CIMAP1D: variants seen among roughly 807,000 people sequenced by gnomAD.
CIMAP1D encodes the protein protein CIMAP1D.
the CIMAP1D span, among the ~76,000 whole-genome samples, chr19:468,370 GA>G: frequency 1.4e-3 from 213 of 148,626 alleles, no homozygotes; most frequent in African/African-American, 1.2e-3. Context: ...AGTCTCAAAA[GA>G]AAAAAAAAAC....
the CIMAP1D span, chr19:489,338 C>CTGACCCGCCGAA: frequency 2.0e-5 from 3 of 149,404 alleles, no homozygotes; most frequent in East Asian, 5.9e-4. Context: ...GACCCGCCGT[C>CTGACCCGCCGAA]GCAGCCCGCG....
At chr19:473,315 A>C in the CIMAP1D span, among the ~76,000 whole-genome samples, 1 of 20,752 alleles carries the variant, frequency 4.8e-5, no homozygotes, top group African/African-American at 6.0e-4. Flanking sequence ...GCAGAGATAC[A>C]TGGTCACAGA....
chr19:464,422 C>A, the CIMAP1D span: 1 of 1,083,858 alleles, frequency 9.2e-7, no homozygotes, highest in Non-Finnish European at 1.4e-6. Flanking sequence ...AGAGACCCGG[C>A]CTGGCTCCCC....
At chr19:485,089 G>C in the CIMAP1D span, among the ~76,000 whole-genome samples, 17 of 152,200 alleles carry the variant, frequency 1.1e-4, no homozygotes, top group African/African-American at 4.1e-4. Context: ...GAAGGGGAGT[G>C]AGAGGAGGGG....
At chr19:485,036 C>A in the CIMAP1D span, among the ~76,000 whole-genome samples, 3 of 151,852 alleles carry the variant, frequency 2.0e-5, no homozygotes, top group South Asian at 6.2e-4. Flanking sequence ...CTGGGCCTGT[C>A]TTGAAGGCAG....
the CIMAP1D span, among the ~76,000 whole-genome samples, chr19:471,601 C>T: frequency 4.9e-4 from 74 of 152,130 alleles, 2 homozygotes; most frequent in Middle Eastern, 0.01. Flanking sequence ...CACTACCACA[C>T]CCAGCTTTTC....
the CIMAP1D span, chr19:474,947 GC>G: frequency 2.3e-6 from 1 of 434,464 alleles, no homozygotes; most frequent in Non-Finnish European, 4.0e-6. Context: ...AGGCTGGTCG[GC>G]CGGACACTGG....
At chr19:488,245 G>A in the CIMAP1D span, among the ~76,000 whole-genome samples, 1 of 151,918 alleles carries the variant, frequency 6.6e-6, no homozygotes, top group Non-Finnish European at 1.5e-5. Context: ...AAAAAAGGCC[G>A]GGCTTGGTGG....
the CIMAP1D span, chr19:464,143 GGGGGGT>G: frequency 3.6e-6 from 2 of 553,514 alleles, no homozygotes; most frequent in Non-Finnish European, 6.3e-6. Context: ...GGGCGGGCGG[GGGGGGT>G]GCGGCCCACC....
the CIMAP1D span, among the ~76,000 whole-genome samples, chr19:477,198 C>T: frequency 1.8e-3 from 269 of 152,196 alleles, no homozygotes; most frequent in African/African-American, 6.2e-3. Flanking sequence ...TAAGTTTCCA[C>T]CTAAGAAGCT....
chr19:475,918 C>A, the CIMAP1D span, among the ~76,000 whole-genome samples: 5 of 151,170 alleles, frequency 3.3e-5, no homozygotes, highest in Non-Finnish European at 5.9e-5. Context: ...AGATTACAGG[C>A]ACCCGCCACC....
At chr19:469,246 G>A in the CIMAP1D span, among the ~76,000 whole-genome samples, 1 of 149,484 alleles carries the variant, frequency 6.7e-6, no homozygotes, top group Non-Finnish European at 1.5e-5. Flanking sequence ...TTGAGGGAGT[G>A]TCTCACTCTA....
chr19:487,335 C>T, the CIMAP1D span, among the ~76,000 whole-genome samples: 11 of 152,172 alleles, frequency 7.2e-5, no homozygotes, highest in African/African-American at 2.2e-4. Context: ...AACATTTCTC[C>T]GCACAGCACC....
the CIMAP1D span, among the ~76,000 whole-genome samples, chr19:484,204 G>A: frequency 1.1e-3 from 162 of 145,170 alleles, 1 homozygote; most frequent in South Asian, 2.4e-3. Context: ...GCAATGGCGC[G>A]ATCTTGGCTC....
At chr19:483,024 CGG>C in the CIMAP1D span, among the ~76,000 whole-genome samples, 1 of 152,178 alleles carries the variant, frequency 6.6e-6, no homozygotes, top group Non-Finnish European at 1.5e-5. Flanking sequence ...CTCTGAAAAA[CGG>C]GCATATGTCA....
At chr19:482,136 A>G in the CIMAP1D span, among the ~76,000 whole-genome samples, 1 of 152,202 alleles carries the variant, frequency 6.6e-6, no homozygotes, top group Non-Finnish European at 1.5e-5. Flanking sequence ...TAATTTTAAT[A>G]ATACATTTTA....
the CIMAP1D span, among the ~76,000 whole-genome samples, chr19:467,054 T>C: frequency 2.0e-5 from 1 of 50,442 alleles, no homozygotes; most frequent in East Asian, 6.7e-4. Flanking sequence ...GGTGGATAGA[T>C]GGATGGGTGG....
the CIMAP1D span, among the ~76,000 whole-genome samples, chr19:485,238 G>A: frequency 3.5e-3 from 536 of 152,296 alleles, 4 homozygotes; most frequent in Non-Finnish European, 5.0e-3. Context: ...TTTACACCAC[G>A]TGGGTGCGCA....
the CIMAP1D span, among the ~76,000 whole-genome samples, chr19:479,149 C>CT: frequency 6.6e-6 from 1 of 152,196 alleles, no homozygotes; most frequent in Non-Finnish European, 1.5e-5. Flanking sequence ...TGTTGGCAAA[C>CT]TGACAAACTG....
Sources: gnomAD v4.1 joint callset for allele counts (sites outside exome capture counted in the v4.1 genomes callset) on GRCh38, gnomAD v4.1.1 for gene constraint, MANE v1.5 for transcripts, NCBI Gene and HGNC (gene_info 2026-07-23, HGNC 2026-07-21) for gene names.